The following CCDC194 variants were observed in gnomAD, a reference collection of about 807,000 sequenced individuals.
CCDC194 encodes the protein coiled-coil domain-containing protein 194.
A neutral mutation model predicts 4.9 loss-of-function variants in CCDC194; 8 were observed. That is an observed-to-expected ratio of 1.65 (90% CI 0.97 to 2.97). CCDC194 has a LOEUF of 2.97. Ranked by LOEUF, CCDC194 falls within the 30% of genes most tolerant of loss-of-function variation. The pLI is 0.00. For missense variants in CCDC194, 52 were observed against 43.1 expected (o/e 1.21, Z -0.58); for synonymous variants, 13 against 17.0 (o/e 0.76, Z 0.58).
At chr19:17,393,376 C>CTTTTTTTTT in intron 1 of CCDC194, among the ~76,000 whole-genome samples, 1 of 115,432 alleles carries the variant, frequency 8.7e-6, no homozygotes, top group Non-Finnish European at 1.6e-5. Context: ...GACAGTGAGA[C>CTTTTTTTTT]TTTTTTTTTT....
At position 17,391,745 on chromosome 19, in the gene CCDC194, C is replaced by A; in HGVS notation, c.421+5G>T. On this transcript the variant is annotated splice_donor_5th_base_variant and intron_variant, in intron 2 of 3. Coordinates refer to ENST00000636079, the Ensembl canonical transcript of CCDC194. ...CCCTGCCCACTCCCTTACACCCCAA[C>A]GCACCTGTCAGCGCCCCGTTCTCGG... The A allele has an allele frequency of 6.5e-7, 1 of 1,535,760 alleles. No homozygotes were observed. Among genetic ancestry groups the A allele is most frequent in the African/African-American group, 1.4e-5 (1 of 73,186 alleles).
At chr19:17,391,290 C>G (rs10402861) in exon 3 of CCDC194, 140 of 422,362 alleles carry the variant, frequency 3.3e-4, no homozygotes, top group African/African-American at 1.6e-3. Context: ...CGCAGAGCCT[C>G]GTCCAGCCGC....
intron 1 of CCDC194, among the ~76,000 whole-genome samples, chr19:17,393,187 C>T (rs4808629): frequency 0.73 from 110,731 of 151,830 alleles, 42,930 homozygotes; most frequent in Non-Finnish European, 0.88. Context: ...AAGGAGGACC[C>T]AGCAGGTACC....
intron 2 of CCDC194, 163 bp downstream of exon 2, chr19:17,391,586 CA>C: frequency 6.8e-7 from 1 of 1,476,008 alleles, no homozygotes; most frequent in Non-Finnish European, 9.0e-7. Context: ...GTTTTTGTGA[CA>C]TTTGCATGGC....
At chr19:17,392,063 T>A in intron 1 of CCDC194, 1 of 459,774 alleles carries the variant, frequency 2.2e-6, no homozygotes, top group Admixed American at 4.0e-5. Flanking sequence ...GGGAGATCTC[T>A]GCCCAGGTCC....
chr19:17,392,063 T>G, intron 1 of CCDC194: 11 of 459,760 alleles, frequency 2.4e-5, no homozygotes, highest in African/African-American at 4.0e-5. Context: ...GGGAGATCTC[T>G]GCCCAGGTCC....
downstream of CCDC194, among the ~76,000 whole-genome samples, chr19:17,390,237 C>T (rs1352497837): frequency 6.6e-6 from 1 of 152,144 alleles, no homozygotes; most frequent in Non-Finnish European, 1.5e-5. The surrounding 1 kb of genome is among the most constrained non-coding windows in gnomAD (Gnocchi z 5.5). Flanking sequence ...ATGACGGCAA[C>T]ATTGTTGTTA....
chr19:17,392,831 G>A (rs2074659825), intron 1 of CCDC194, among the ~76,000 whole-genome samples: 2 of 152,076 alleles, frequency 1.3e-5, no homozygotes, highest in South Asian at 2.1e-4. Flanking sequence ...ACAAGCATGC[G>A]CCATCACACC....
At chr19:17,388,648 G>A (rs978780758), downstream of CCDC194, among the ~76,000 whole-genome samples, 1 of 151,904 alleles carries the variant, frequency 6.6e-6, no homozygotes, top group Non-Finnish European at 1.5e-5. Flanking sequence ...TGATCCACCC[G>A]CCTCAGCCTC....
Position 17,390,610 on chromosome 19 carries a change from G to C in CCDC194, c.604C>G (p.Arg202Gly). Residue 202 changes from arginine (R) to glycine (G), a missense_variant, in exon 4 of 4, where the codon CGT becomes GGT. Transcript: ENST00000636079. This position sits in a 1 kb window ranked among gnomAD's most constrained non-coding sequence, Gnocchi z 5.5. ...CGGGGTCGGGACCCCGAGCGGGGAC[G>C]CGGCCGGGGCACTCTGCGCTGTGGG... The C allele has an allele frequency of 2.5e-6, 1 of 397,918 alleles. No individual in the cohort carries two copies. Among genetic ancestry groups the C allele is most frequent in the East Asian group, 3.6e-5 (1 of 28,036 alleles). 24.6% of individuals were successfully genotyped at this position (397,918 alleles called of 1,614,324 possible).
rs183971098 is a variant in CCDC194 at position 17,393,329 on chromosome 19, G to A, written c.324+506C>T. 3.7e-3 allele frequency among the ~76,000 whole-genome samples: 549 copies of A among 149,422 alleles called. 1 individual carries two copies. The highest frequency in any genetic ancestry group is 0.015 in the East Asian group (76 of 4,988). On this transcript the variant is annotated intron_variant, in intron 1 of 3. Coordinates refer to ENST00000636079, the Ensembl canonical transcript of CCDC194. The stretch of plus-strand genomic sequence containing the variant: ...GGAGGAGGGCCTCCAGTGGTCTGGC[G>A]TTTCTCCAGACACCATTTATCTGGC...
At chr19:17,393,409 G>A (rs1367090476) in intron 1 of CCDC194, among the ~76,000 whole-genome samples, 1 of 123,406 alleles carries the variant, frequency 8.1e-6, no homozygotes, top group South Asian at 2.6e-4. Flanking sequence ...TTTTTTTTCA[G>A]ATGGAGTCTC....
In CCDC194 at chr19:17,392,311, TA is replaced by T. The variant is rs77753979; in HGVS notation, c.325-466del. 1,227 of 137,332 alleles carry T rather than the reference TA, an allele frequency of 8.9e-3. 10 individuals are homozygous for T. The highest frequency in any genetic ancestry group is 0.024 in the African/African-American group (866 of 36,500). The allele number at this position is 137,332 out of a possible 1,614,324, so 8.5% of individuals were successfully genotyped here. ...AACATGGTGAAAACCCATCTCTACTTAAAAAAAAAAAAAAAATAGCAGTGTG... is the reference window on the plus strand; with the variant it reads ...AACATGGTGAAAACCCATCTCTACTTAAAAAAAAAAAAAAATAGCAGTGTG... On this transcript the variant is annotated intron_variant, in intron 1 of 3. Coordinates refer to ENST00000636079, the Ensembl canonical transcript of CCDC194.
intron 2 of CCDC194, 146 bp downstream of exon 2, chr19:17,391,604 A>G: frequency 2.6e-6 from 4 of 1,518,372 alleles, no homozygotes; most frequent in Admixed American, 4.1e-5. Flanking sequence ...TGGCCTCTGC[A>G]TGTTGTTTGC....
intron 2 of CCDC194, 54 bp from the exon 3 acceptor site, chr19:17,391,397 A>ACCCCCCCCCC: frequency 2.8e-6 from 1 of 362,088 alleles, no homozygotes; most frequent in Non-Finnish European, 5.0e-6. Flanking sequence ...CACCCGCCCC[A>ACCCCCCCCCC]CGCACGCCGG....
chr19:17,392,210 C>T (rs1331250747), intron 1 of CCDC194: 13 of 170,618 alleles, frequency 7.6e-5, no homozygotes, highest in Non-Finnish European at 1.0e-4. Context: ...TCGTGGCTCA[C>T]GCCTGTAATC....
At chr19:17,391,176 A>G in intron 3 of CCDC194, 35 bp downstream of exon 3, 1 of 395,154 alleles carries the variant, frequency 2.5e-6, no homozygotes, top group Non-Finnish European at 4.5e-6. Flanking sequence ...CTCCCCGTCC[A>G]TCCGACCCCG....
At chr19:17,390,415 C>T (rs1232891022), downstream of CCDC194, 1 of 384,118 alleles carries the variant, frequency 2.6e-6, no homozygotes, top group Non-Finnish European at 4.6e-6. The surrounding 1 kb of genome is among the most constrained non-coding windows in gnomAD (Gnocchi z 5.5). Flanking sequence ...CTGAGTGTCG[C>T]ATCCAGCGTG....
At position 17,391,852 on chromosome 19, in the gene CCDC194, G is replaced by A. The variant is rs2074656047; in HGVS notation, c.325-6C>T. ...AGTTGGGTCTGAAGCCGGCTCTGAG[G>A]AGTGGAGGGGAAGTGGGAGGGGGTG... On this transcript the variant is annotated splice_region_variant and splice_polypyrimidine_tract_variant and intron_variant, in intron 1 of 3. Transcript: ENST00000636079. 2.0e-6 allele frequency: 3 copies of A among 1,510,112 alleles called. No homozygotes were observed. The highest frequency in any genetic ancestry group is 1.2e-5 in the South Asian group (1 of 81,438). The allele number at this position is 1,510,112 out of a possible 1,614,324, so 93.5% of individuals were successfully genotyped here.
Sources: gnomAD v4.1 joint callset for allele counts (sites outside exome capture counted in the v4.1 genomes callset) on GRCh38, gnomAD v4.1.1 for gene constraint, Gnocchi (gnomAD v3.1) non-coding constraint, MANE v1.5 for transcripts, NCBI Gene and HGNC (gene_info 2026-07-23, HGNC 2026-07-21) for gene names.